Variants in RASAL2 observed in about 807,000 individuals in gnomAD.
RASAL2 encodes ras GTPase-activating protein nGAP.
In RASAL2, 58 loss-of-function variants were observed where a neutral mutation model predicts 128.9. The ratio of observed to expected loss-of-function variants is 0.45; its 90% CI spans 0.36 to 0.56. The LOEUF (loss-of-function observed/expected upper bound fraction) is 0.56, where lower values mean the gene tolerates loss of function less well. Ranked by LOEUF, RASAL2 falls within the 20% of genes least tolerant of loss-of-function variation. The probability of loss-of-function intolerance (pLI) is 0.00; values close to 1 mark genes in which losing one functional copy is unlikely to be tolerated. For missense variants in RASAL2, 1,360 were observed against 1,601.6 expected, an observed-to-expected ratio of 0.85 and a Z score of 2.57; for synonymous variants, 561 against 580.8, an observed-to-expected ratio of 0.97 and a Z score of 0.49.
chr1:178,361,279 G>T (rs1367198978), intron 3 of RASAL2, among the ~76,000 whole-genome samples: 1 of 151,384 alleles, frequency 6.6e-6, no homozygotes, highest in East Asian at 1.9e-4. Flanking sequence ...GTTGATTGTG[G>T]TATTTTTTTT....
chr1:178,463,680 A>G (rs1209301120), intron 14 of RASAL2, among the ~76,000 whole-genome samples: 1 of 152,152 alleles, frequency 6.6e-6, no homozygotes, highest in African/African-American at 2.4e-5. Flanking sequence ...CTCTAAATCA[A>G]TAATATGAAA....
intron 2 of RASAL2, among the ~76,000 whole-genome samples, chr1:178,299,203 A>G (rs1477784413): frequency 1.3e-5 from 2 of 152,186 alleles, no homozygotes; most frequent in Non-Finnish European, 2.9e-5. Flanking sequence ...TTTATTAACT[A>G]TGTCTAAGTG....
intron 3 of RASAL2, among the ~76,000 whole-genome samples, chr1:178,334,853 G>A (rs1024387863): frequency 6.6e-6 from 1 of 152,124 alleles, no homozygotes; most frequent in African/African-American, 2.4e-5. Flanking sequence ...AGCTACTAGG[G>A]AGGCTGAGGC....
intron 1 of RASAL2, among the ~76,000 whole-genome samples, chr1:178,207,150 CA>C (rs11350533): frequency 0.61 from 74,135 of 120,700 alleles, 22,385 homozygotes; most frequent in East Asian, 0.74. Context: ...GACCTTGTCT[CA>C]AAAAAAAAAA....
intron 16 of RASAL2, among the ~76,000 whole-genome samples, chr1:178,466,702 A>G (rs566061430): frequency 1.2e-4 from 18 of 152,356 alleles, no homozygotes; most frequent in African/African-American, 4.3e-4. Flanking sequence ...CACTTGCCCA[A>G]GGTCACATAG....
At chr1:178,407,682 G>A (rs917973415) in intron 4 of RASAL2, among the ~76,000 whole-genome samples, 23 of 152,112 alleles carry the variant, frequency 1.5e-4, no homozygotes, top group African/African-American at 5.6e-4. Flanking sequence ...GGTCACTGAT[G>A]TGAAAAAGTC....
intron 4 of RASAL2, among the ~76,000 whole-genome samples, chr1:178,397,249 A>G (rs1243891374): frequency 6.6e-6 from 1 of 152,258 alleles, no homozygotes; most frequent in East Asian, 1.9e-4. Context: ...AAGAATAGAT[A>G]TGCAAACTAT....
At chr1:178,408,350 A>T (rs1418864951) in intron 4 of RASAL2, among the ~76,000 whole-genome samples, 4 of 152,220 alleles carry the variant, frequency 2.6e-5, no homozygotes. Context: ...AGGCATGGAT[A>T]TCATAACTGT....
chr1:178,431,370 G>A (rs1223597447), intron 5 of RASAL2, among the ~76,000 whole-genome samples: 1 of 151,958 alleles, frequency 6.6e-6, no homozygotes, highest in Non-Finnish European at 1.5e-5. Context: ...TTAAAGAAAT[G>A]CACACTAAAG....
chr1:178,472,881 AT>A (rs1212117633), intron 17 of RASAL2, among the ~76,000 whole-genome samples, 193 bp from the exon 18 acceptor site: 1 of 152,234 alleles, frequency 6.6e-6, no homozygotes, highest in Non-Finnish European at 1.5e-5. Flanking sequence ...AGAGAAAAAA[AT>A]AAACACAGAT....
chr1:178,193,682 C>T lies in RASAL2; in HGVS notation c.203-89882C>T, dbSNP rs185915879. Among the ~76,000 whole-genome samples the T allele has an allele frequency of 3.6e-4, 55 of 152,142 alleles. No individual in the cohort carries two copies. The South Asian group carries it at 4.8e-3, about 13-fold the overall frequency. ...CTAGATTTAAATGTCCTGTTTGGAA[C>T]GGAGTTATTCCTTTTTTCCTTGTAC... On this transcript the variant is annotated intron_variant, in intron 1 of 17. Coordinates refer to ENST00000367649, the MANE Select transcript of RASAL2 (RefSeq NM_170692.4).
intron 1 of RASAL2, among the ~76,000 whole-genome samples, chr1:178,160,626 ACT>A (rs1661250094): frequency 6.6e-6 from 1 of 152,088 alleles, no homozygotes; most frequent in Admixed American, 6.5e-5. Context: ...CAAGGGTGAA[ACT>A]CTGTCTCAAA....
intron 1 of RASAL2, among the ~76,000 whole-genome samples, chr1:178,104,039 C>CA (rs892998592): frequency 4.6e-5 from 7 of 150,922 alleles, no homozygotes; most frequent in South Asian, 2.1e-4. Context: ...CCTTGGGGGA[C>CA]AAAAAAAAGA....
chr1:178,293,326 C>T (rs1667361782), intron 2 of RASAL2, among the ~76,000 whole-genome samples: 2 of 152,140 alleles, frequency 1.3e-5, no homozygotes, highest in South Asian at 4.1e-4. Context: ...ATGCCACTGG[C>T]AATGGGGAAT....
At chr1:178,191,798 T>C (rs1321374168) in intron 1 of RASAL2, among the ~76,000 whole-genome samples, 1 of 152,168 alleles carries the variant, frequency 6.6e-6, no homozygotes, top group Non-Finnish European at 1.5e-5. Flanking sequence ...GAAAGGTTTG[T>C]GGCACACAGA....
chr1:178,300,126 A>G lies in RASAL2; in HGVS notation c.457+8A>G, dbSNP rs1667701759. ...AGGGCGCCACTAAACTGGGTAAGCTACTATGAAAAGGAAATAAATTCCTAG... is the reference window on the plus strand; with the variant it reads ...AGGGCGCCACTAAACTGGGTAAGCTGCTATGAAAAGGAAATAAATTCCTAG... On this transcript the variant is annotated splice_region_variant and intron_variant, in intron 3 of 17. Coordinates refer to ENST00000367649, the MANE Select transcript of RASAL2 (RefSeq NM_170692.4). The G allele has an allele frequency of 6.9e-6, 11 of 1,600,778 alleles. No individual in the cohort carries two copies. The highest frequency in any genetic ancestry group is 9.4e-6 in the Non-Finnish European group (11 of 1,175,594).
chr1:178,116,205 CTTTTATGGAGCTT>C (rs1659515207), intron 1 of RASAL2, among the ~76,000 whole-genome samples: 1 of 152,102 alleles, frequency 6.6e-6, no homozygotes, highest in African/African-American at 2.4e-5. Context: ...GTTTACATTT[CTTTTATGGAGCTT>C]TTTTATTATC....
chr1:178,137,114 G>C (rs889265144), intron 1 of RASAL2, among the ~76,000 whole-genome samples: 1 of 152,162 alleles, frequency 6.6e-6, no homozygotes, highest in African/African-American at 2.4e-5. Context: ...AAAATTTTGA[G>C]ACAGTAAGCT....
chr1:178,252,981 TA>T (rs1481537893), intron 1 of RASAL2, among the ~76,000 whole-genome samples: 1 of 152,238 alleles, frequency 6.6e-6, no homozygotes, highest in Non-Finnish European at 1.5e-5. Context: ...AGGACTGCTG[TA>T]AGAAATTACC....
Sources: allele counts gnomAD v4.1 joint callset (sites outside exome capture counted in the v4.1 genomes callset), GRCh38; gene constraint gnomAD v4.1.1; transcripts MANE v1.5; gene names NCBI Gene and HGNC (gene_info 2026-07-23, HGNC 2026-07-21).